FGF14: variants seen among roughly 807,000 people sequenced by gnomAD.
The protein encoded by FGF14 is fibroblast growth factor 14.
FGF14 carries 5 observed loss-of-function variants against 25.5 expected under a neutral mutation model. The observed-to-expected ratio is 0.20, with a 90% CI of 0.10 to 0.41. The LOEUF is 0.41. FGF14 is among the 10% of genes least tolerant of loss of function. FGF14 has a pLI of 1.00. For missense variants in FGF14, 222 were observed against 320.1 expected (o/e 0.69, Z 2.34); for synonymous variants, 138 against 118.3 (o/e 1.17, Z -1.08).
intron 2 of FGF14, among the ~76,000 whole-genome samples, chr13:101,869,995 T>C (rs1391297079): frequency 6.6e-6 from 1 of 152,200 alleles, no homozygotes; most frequent in African/African-American, 2.4e-5. Context: ...ATGTCTGTGC[T>C]ACACAAATAT....
chr13:102,152,990 G>A (rs1311016680), intron 1 of FGF14, among the ~76,000 whole-genome samples: 4 of 152,176 alleles, frequency 2.6e-5, no homozygotes, highest in Non-Finnish European at 5.9e-5. Flanking sequence ...GTCCTTGCTA[G>A]CATCAGGCTG....
chr13:102,332,758 T>G (rs2056672214), intron 1 of FGF14, among the ~76,000 whole-genome samples: 1 of 152,170 alleles, frequency 6.6e-6, no homozygotes, highest in Admixed American at 6.6e-5. Flanking sequence ...AATTTTTACT[T>G]ATAAGTTTCT....
intron 1 of FGF14, among the ~76,000 whole-genome samples, chr13:102,352,598 G>T (rs972318902): frequency 7.9e-5 from 12 of 152,038 alleles, no homozygotes; most frequent in African/African-American, 2.9e-4. Flanking sequence ...GGATCACGAG[G>T]TCAGGAGATC....
intron 1 of FGF14, among the ~76,000 whole-genome samples, chr13:102,134,168 C>T (rs573397495): frequency 1.6e-4 from 24 of 152,210 alleles, no homozygotes; most frequent in Non-Finnish European, 2.9e-4. Context: ...CAGAAAAGTG[C>T]AGGTGTCATG....
chr13:101,965,761 G>A (rs1566505178), intron 1 of FGF14, among the ~76,000 whole-genome samples: 2 of 151,144 alleles, frequency 1.3e-5, no homozygotes, highest in Non-Finnish European at 2.9e-5. Flanking sequence ...TTTACTTTAA[G>A]TAGAGAAAAA....
chr13:102,131,001 C>T (rs960085137), intron 1 of FGF14, among the ~76,000 whole-genome samples: 4 of 152,160 alleles, frequency 2.6e-5, no homozygotes, highest in African/African-American at 9.7e-5. Context: ...AAATGCATAG[C>T]AAAACTAGGT....
chr13:102,260,843 T>C (rs2052683900), intron 1 of FGF14, among the ~76,000 whole-genome samples: 1 of 152,170 alleles, frequency 6.6e-6, no homozygotes, highest in South Asian at 2.1e-4. Flanking sequence ...CCTTGCCCTA[T>C]CCCCTTCTCT....
intron 1 of FGF14, among the ~76,000 whole-genome samples, chr13:102,191,839 C>G (rs1253245630): frequency 6.6e-6 from 1 of 152,162 alleles, no homozygotes; most frequent in Non-Finnish European, 1.5e-5. Context: ...AAGTTATGTG[C>G]TTCCAAATTA....
chr13:101,929,476 G>T (rs189462347), intron 1 of FGF14, among the ~76,000 whole-genome samples: 3 of 152,320 alleles, frequency 2.0e-5, no homozygotes, highest in Non-Finnish European at 4.4e-5. Context: ...TAGGAATTTT[G>T]TATGTCACTG....
chr13:102,362,920 A>T (rs998732711), intron 1 of FGF14, among the ~76,000 whole-genome samples: 2 of 152,196 alleles, frequency 1.3e-5, no homozygotes, highest in African/African-American at 4.8e-5. Context: ...CTTACATGTT[A>T]ATTAAATCCA....
At chr13:102,124,942 T>C (rs2045890579) in intron 1 of FGF14, among the ~76,000 whole-genome samples, 1 of 152,192 alleles carries the variant, frequency 6.6e-6, no homozygotes, top group East Asian at 1.9e-4. Context: ...ACTATTTCAC[T>C]ACTCTAGTAT....
At chr13:101,741,352 CA>C (rs2036542499) in intron 3 of FGF14, among the ~76,000 whole-genome samples, 2 of 152,058 alleles carry the variant, frequency 1.3e-5, no homozygotes. Context: ...AATCAATCTG[CA>C]AAAGGTTTCT....
chr13:101,803,034 A>T (rs1442561826), intron 3 of FGF14, among the ~76,000 whole-genome samples: 4 of 151,924 alleles, frequency 2.6e-5, no homozygotes, highest in Non-Finnish European at 5.9e-5. Flanking sequence ...ATAGTCAGAT[A>T]GCATTCTGCT....
At chr13:101,904,746 T>A (rs146684682) in intron 1 of FGF14, among the ~76,000 whole-genome samples, 1 of 152,182 alleles carries the variant, frequency 6.6e-6, no homozygotes, top group African/African-American at 2.4e-5. Flanking sequence ...TATACAACCA[T>A]GCAGAAAGTA....
intron 3 of FGF14, among the ~76,000 whole-genome samples, chr13:101,773,197 A>G (rs1174209352): frequency 6.6e-6 from 1 of 152,186 alleles, no homozygotes; most frequent in Non-Finnish European, 1.5e-5. Flanking sequence ...TTTAAAACTC[A>G]GCCTCGCATT....
At chr13:101,888,872 CT>C (rs2046126863) in intron 1 of FGF14, among the ~76,000 whole-genome samples, 1 of 152,146 alleles carries the variant, frequency 6.6e-6, no homozygotes, top group Admixed American at 6.6e-5. Context: ...TTGTGTCCCC[CT>C]AAAACTCATA....
chr13:102,178,646 C>T (rs146712127), intron 1 of FGF14, among the ~76,000 whole-genome samples: 15 of 152,154 alleles, frequency 9.9e-5, no homozygotes, highest in Non-Finnish European at 2.2e-4. Context: ...TGGTATTTTA[C>T]TATTTGTTTC....
chr13:102,349,638 T>C (rs903039779), intron 1 of FGF14, among the ~76,000 whole-genome samples: 4 of 152,242 alleles, frequency 2.6e-5, no homozygotes, highest in African/African-American at 9.6e-5. Flanking sequence ...GTTTTGACTT[T>C]CTTTTTATCA....
intron 1 of FGF14, among the ~76,000 whole-genome samples, chr13:102,030,714 A>G (rs1422615486): frequency 6.6e-6 from 1 of 152,012 alleles, no homozygotes; most frequent in Admixed American, 6.6e-5. Context: ...AGTCCCGCAC[A>G]GGGACTTCGG....
Sources: allele counts gnomAD v4.1 joint callset (sites outside exome capture counted in the v4.1 genomes callset), GRCh38; gene constraint gnomAD v4.1.1; transcripts MANE v1.5; gene names NCBI Gene and HGNC (gene_info 2026-07-23, HGNC 2026-07-21).